The following S100A16 variants were observed in gnomAD, a reference collection of about 807,000 sequenced individuals.
S100A16 encodes protein S100-A16.
S100A16 carries 8 observed loss-of-function variants against 9.0 expected under a neutral mutation model. The observed-to-expected ratio is 0.89, with a 90% CI of 0.52 to 1.60. The LOEUF is 1.60. Among genes scored for constraint, S100A16 ranks in the 40% most tolerant of loss-of-function variants. The pLI, the probability that S100A16 is intolerant of heterozygous loss-of-function variation, is 0.00. For synonymous variants in S100A16, 51 were observed against 51.4 expected (o/e 0.99, Z 0.04); for missense variants, 138 against 132.4 (o/e 1.04, Z -0.21).
At chr1:153,608,476 C>T (rs1359002721) in intron 1 of S100A16, among the ~76,000 whole-genome samples, 1 of 152,234 alleles carries the variant, frequency 6.6e-6, no homozygotes, top group East Asian at 1.9e-4. Flanking sequence ...AGTGTCAGAG[C>T]CCTACGGGGC....
chr1:153,609,894 G>C (rs1304956508), intron 1 of S100A16, among the ~76,000 whole-genome samples: 1 of 152,202 alleles, frequency 6.6e-6, no homozygotes, highest in Non-Finnish European at 1.5e-5. Flanking sequence ...GAAGAGTCAG[G>C]CTGCGGCTTC....
chr1:153,610,301 C>G (rs1231052248), intron 1 of S100A16, among the ~76,000 whole-genome samples: 1 of 152,198 alleles, frequency 6.6e-6, no homozygotes, highest in Non-Finnish European at 1.5e-5. Context: ...ACTTAACCAT[C>G]CCAATCCTTG....
intron 1 of S100A16, among the ~76,000 whole-genome samples, chr1:153,611,820 C>T (rs1438651057): frequency 1.3e-5 from 2 of 151,694 alleles, no homozygotes; most frequent in Admixed American, 1.3e-4. Flanking sequence ...AGGCCCTCTC[C>T]AGGAACAGCT....
chr1:153,609,228 T>C (rs905309365), intron 1 of S100A16: 30 of 985,518 alleles, frequency 3.0e-5, no homozygotes, highest in Non-Finnish European at 3.5e-5. Context: ...ACAGCCACCA[T>C]AGGGGCCTGA....
chr1:153,610,973 C>T (rs1271064944), intron 1 of S100A16, among the ~76,000 whole-genome samples: 3 of 152,134 alleles, frequency 2.0e-5, no homozygotes, highest in Non-Finnish European at 4.4e-5. Context: ...CAGGTAGATC[C>T]TGGCCTGAGT....
rs28444667 is a variant in S100A16 at position 153,609,347 on chromosome 1, A to G, written c.-26-1170T>C. The G allele has an allele frequency of 5.7e-3, 5,606 of 986,012 alleles. 246 individuals carry two copies. In the African/African-American group the frequency reaches 0.092, roughly 16 times the overall value. 61.1% of individuals were successfully genotyped at this position (986,012 alleles called of 1,614,324 possible). ...GCCACTTGTGGCCATTCCTACTCCCATGCCGGCTGCCCTGCCCTCTCCAGC... is the reference window on the plus strand; with the variant it reads ...GCCACTTGTGGCCATTCCTACTCCCGTGCCGGCTGCCCTGCCCTCTCCAGC... On this transcript the variant is annotated intron_variant, in intron 1 of 2. Coordinates refer to ENST00000368706, the MANE Select transcript of S100A16 (RefSeq NM_080388.3).
At chr1:153,609,784 G>A (rs1666794444) in intron 1 of S100A16, among the ~76,000 whole-genome samples, 2 of 152,082 alleles carry the variant, frequency 1.3e-5, no homozygotes, top group Admixed American at 1.3e-4. Context: ...GCACGTCCTT[G>A]ACCACCTTTT....
intron 1 of S100A16, among the ~76,000 whole-genome samples, chr1:153,612,300 G>T (rs1382551608): frequency 6.6e-6 from 1 of 152,154 alleles, no homozygotes; most frequent in Admixed American, 6.5e-5. Flanking sequence ...AGGTGGAGGA[G>T]CTGCCGAGGT....
intron 2 of S100A16, 32 bp downstream of exon 2, chr1:153,607,967 G>A (rs1189796246): frequency 1.2e-6 from 2 of 1,608,106 alleles, no homozygotes; most frequent in Non-Finnish European, 1.7e-6. Flanking sequence ...GAAGGGGAGA[G>A]GGAGGCAAGG....
chr1:153,612,320 C>T (rs1165598206), intron 1 of S100A16, among the ~76,000 whole-genome samples: 4 of 152,294 alleles, frequency 2.6e-5, no homozygotes, highest in Non-Finnish European at 4.4e-5. Flanking sequence ...TTCAGCCCCC[C>T]TCTCTCTATC....
intron 1 of S100A16, chr1:153,609,180 G>A (rs577960481): frequency 7.7e-5 from 76 of 984,838 alleles, no homozygotes; most frequent in African/African-American, 1.2e-4. Context: ...ACCCTCACCC[G>A]GCGGGTCCTG....
Position 153,607,870 on chromosome 1 carries a change from A to G in S100A16, c.153+129T>C, listed in dbSNP as rs146195511. ...AGAAGACAGAGGCCTGGGGGTGTAG[A>G]AGACCCTGGAGTTAGCGGGGACACT... On this transcript the variant is annotated intron_variant, in intron 2 of 2. Coordinates refer to ENST00000368706, the MANE Select transcript of S100A16 (RefSeq NM_080388.3). 1.4e-3 allele frequency: 1,679 copies of G among 1,194,726 alleles called. 19 individuals carry two copies. The African/African-American group carries it at 0.021, about 15-fold the overall frequency. 74.0% of individuals were successfully genotyped at this position (1,194,726 alleles called of 1,614,324 possible). A position where few individuals can be genotyped will look rare whatever the true frequency, so the allele number is the denominator to read the frequency against.
chr1:153,610,243 C>T (rs1257957105), intron 1 of S100A16, among the ~76,000 whole-genome samples: 3 of 152,298 alleles, frequency 2.0e-5, no homozygotes, highest in East Asian at 1.9e-4. Flanking sequence ...CAAGTCCACT[C>T]CCAACCAAGA....
At chr1:153,608,877 AC>A in intron 1 of S100A16, 1 of 973,530 alleles carries the variant, frequency 1.0e-6, no homozygotes, top group African/African-American at 1.8e-5. Context: ...ACCCAAGAAC[AC>A]CCCCACCCAC....
chr1:153,608,328 G>T, intron 1 of S100A16, 151 bp from the exon 2 acceptor site: 1 of 641,400 alleles, frequency 1.6e-6, no homozygotes, highest in Non-Finnish European at 2.7e-6. Flanking sequence ...CAGAGTGGGT[G>T]GGGGAGAGTG....
intron 1 of S100A16, among the ~76,000 whole-genome samples, chr1:153,610,903 T>A (rs1374762997): frequency 6.6e-6 from 1 of 151,398 alleles, no homozygotes; most frequent in African/African-American, 2.4e-5. Context: ...AGATGTTCTA[T>A]CCCATCAGCC....
intron 1 of S100A16, among the ~76,000 whole-genome samples, chr1:153,610,015 T>A (rs1387049868): frequency 1.3e-5 from 2 of 152,200 alleles, no homozygotes; most frequent in African/African-American, 4.8e-5. Flanking sequence ...CACACGCTTT[T>A]CCATATTCTT....
intron 1 of S100A16, among the ~76,000 whole-genome samples, chr1:153,611,878 C>A (rs1169566811): frequency 6.6e-6 from 1 of 151,290 alleles, no homozygotes; most frequent in Non-Finnish European, 1.5e-5. Context: ...CCCTTACCAT[C>A]CTCACAGGAT....
Position 153,608,184 on chromosome 1 carries a change from AC to A in S100A16, c.-26-8del, listed in dbSNP as rs1666744495. ...CTTCGCCTGCTGGCGGGGCCTGGAC[AC>A]CAGGAGGAGGGGAGATGAGAAGAGA... is the stretch of plus-strand genomic sequence containing the variant. On this transcript the variant is annotated splice_polypyrimidine_tract_variant and splice_region_variant and intron_variant, in intron 1 of 2. Coordinates refer to ENST00000368706, the MANE Select transcript of S100A16 (RefSeq NM_080388.3). 6 of 1,609,256 alleles carry A rather than the reference AC, an allele frequency of 3.7e-6. No homozygotes were observed. The highest frequency in any genetic ancestry group is 1.7e-4 in the Middle Eastern group (1 of 5,966).
Sources: gnomAD v4.1 joint callset for allele counts (sites outside exome capture counted in the v4.1 genomes callset) on GRCh38, gnomAD v4.1.1 for gene constraint, MANE v1.5 for transcripts, NCBI Gene and HGNC (gene_info 2026-07-23, HGNC 2026-07-21) for gene names.